Variants in CAMKMT observed in about 807,000 individuals in gnomAD.
CAMKMT encodes calmodulin-lysine N-methyltransferase.
In CAMKMT, 53 loss-of-function variants were observed where a neutral mutation model predicts 48.0. The ratio of observed to expected loss-of-function variants is 1.10; its 90% CI spans 0.89 to 1.39. CAMKMT has a LOEUF of 1.39. Ranked by LOEUF, CAMKMT falls within the 40% of genes most tolerant of loss-of-function variation. The pLI, the probability that CAMKMT is intolerant of heterozygous loss-of-function variation, is 0.00. For synonymous variants in CAMKMT, 165 were observed against 152.3 expected (o/e 1.08, Z -0.61); for missense variants, 428 against 402.7 (o/e 1.06, Z -0.54).
At chr2:44,651,041 A>G (rs866851789) in intron 3 of CAMKMT, among the ~76,000 whole-genome samples, 16 of 152,348 alleles carry the variant, frequency 1.1e-4, no homozygotes, top group Middle Eastern at 3.4e-3. Context: ...TTAAAAGTGC[A>G]GTTTAAAGTG....
At chr2:44,626,012 A>G (rs1483949695) in intron 3 of CAMKMT, among the ~76,000 whole-genome samples, 1 of 152,188 alleles carries the variant, frequency 6.6e-6, no homozygotes, top group East Asian at 1.9e-4. Context: ...TTTCATATAA[A>G]TGTTAGAATC....
At chr2:44,399,665 C>T (rs1361947199) in intron 3 of CAMKMT, among the ~76,000 whole-genome samples, 1 of 151,526 alleles carries the variant, frequency 6.6e-6, no homozygotes, top group Non-Finnish European at 1.5e-5. Flanking sequence ...CTCTTGTATC[C>T]ATCATAAGAA....
chr2:44,477,833 T>TA (rs774867408), intron 3 of CAMKMT, among the ~76,000 whole-genome samples: 4 of 152,168 alleles, frequency 2.6e-5, no homozygotes, highest in Non-Finnish European at 4.4e-5. Flanking sequence ...TTCACAATGG[T>TA]ACAGGTATAG....
chr2:44,730,874 C>A (rs1027216359), intron 7 of CAMKMT, among the ~76,000 whole-genome samples: 1 of 152,186 alleles, frequency 6.6e-6, no homozygotes, highest in Non-Finnish European at 1.5e-5. Context: ...ATACTGGAAT[C>A]CTCTGTAAAG....
intron 3 of CAMKMT, among the ~76,000 whole-genome samples, chr2:44,603,283 G>T (rs570871389): frequency 6.6e-6 from 1 of 151,550 alleles, no homozygotes; most frequent in Admixed American, 6.6e-5. Context: ...TAGAGACAGG[G>T]TTTCACCATG....
Position 44,407,699 on chromosome 2 carries a change from A to G in CAMKMT, c.376+17394A>G, listed in dbSNP as rs566507391. On this transcript the variant is annotated intron_variant, in intron 3 of 10. Transcript: ENST00000378494. ...AGAAGATATGGGTTGAGCCATGGCT[A>G]AAAGGATTAGGACTTAGATGGGCAG... Among the ~76,000 whole-genome samples the G allele has an allele frequency of 1.3e-4, 20 of 152,332 alleles. No homozygotes were observed. In the East Asian group the frequency reaches 3.9e-3, roughly 29 times the overall value.
At chr2:44,483,029 T>C (rs113988539) in intron 3 of CAMKMT, among the ~76,000 whole-genome samples, 1 of 152,070 alleles carries the variant, frequency 6.6e-6, no homozygotes, top group Non-Finnish European at 1.5e-5. Context: ...TGCTGTCCAA[T>C]GGAATCAACA....
chr2:44,768,361 A>ATATATATATATATATTTTTTT (rs35058824), intron 10 of CAMKMT, among the ~76,000 whole-genome samples: 1 of 115,726 alleles, frequency 8.6e-6, no homozygotes, highest in African/African-American at 3.7e-5. Context: ...ATATATATAT[A>ATATATATATATATATTTTTTT]TTTTTTTTTT....
chr2:44,746,847 A>ATTG (rs1679938579), intron 8 of CAMKMT, among the ~76,000 whole-genome samples: 1 of 152,170 alleles, frequency 6.6e-6, no homozygotes, highest in Non-Finnish European at 1.5e-5. Flanking sequence ...ATAGTGAGTG[A>ATTG]TTGTTAATTT....
intron 3 of CAMKMT, chr2:44,549,524 G>A: frequency 2.9e-6 from 2 of 693,584 alleles, no homozygotes; most frequent in Non-Finnish European, 5.2e-6. Flanking sequence ...AACCTAAAAT[G>A]TATATATAAT....
At chr2:44,398,139 T>A (rs942731352) in intron 3 of CAMKMT, among the ~76,000 whole-genome samples, 6 of 152,218 alleles carry the variant, frequency 3.9e-5, no homozygotes, top group Admixed American at 3.9e-4. Context: ...CGTTTAATAA[T>A]CTTAACGTCT....
At chr2:44,408,755 T>G (rs974740756) in intron 3 of CAMKMT, among the ~76,000 whole-genome samples, 1 of 151,850 alleles carries the variant, frequency 6.6e-6, no homozygotes, top group African/African-American at 2.4e-5. Flanking sequence ...TTAATTAATT[T>G]TTTTGAGACA....
At chr2:44,724,993 T>A (rs1214906628) in intron 7 of CAMKMT, among the ~76,000 whole-genome samples, 1 of 152,172 alleles carries the variant, frequency 6.6e-6, no homozygotes, top group East Asian at 1.9e-4. Flanking sequence ...GTAAATATTC[T>A]GCAATGCAAG....
intron 2 of CAMKMT, among the ~76,000 whole-genome samples, chr2:44,373,876 C>T (rs1243749017): frequency 6.6e-6 from 1 of 151,978 alleles, no homozygotes. Context: ...GTAATCCTAG[C>T]ACTTCAGGAG....
chr2:44,469,690 T>G (rs1012071078), intron 3 of CAMKMT, among the ~76,000 whole-genome samples: 1 of 152,172 alleles, frequency 6.6e-6, no homozygotes, highest in Non-Finnish European at 1.5e-5. Context: ...TTTTTAGTAT[T>G]CAGTGGTATT....
chr2:44,590,749 T>G (rs112448490), intron 3 of CAMKMT, among the ~76,000 whole-genome samples: 3,562 of 152,174 alleles, frequency 0.023, 117 homozygotes, highest in African/African-American at 0.076. Context: ...CAGAAGCTCT[T>G]TAGTTTAATG....
rs150820589 is a variant in CAMKMT at position 44,584,907 on chromosome 2, T to C, written c.377-119376T>C. On this transcript the variant is annotated intron_variant, in intron 3 of 10. Transcript: ENST00000378494. ...GTCTCTACTAAAAATACAAAAAAATTATCCGGGCGTGGTGGTGGGCGCCTG... is the reference window on the plus strand; with the variant it reads ...GTCTCTACTAAAAATACAAAAAAATCATCCGGGCGTGGTGGTGGGCGCCTG... 6.1e-3 allele frequency among the ~76,000 whole-genome samples: 930 copies of C among 151,778 alleles called. 11 individuals carry two copies. The highest frequency in any genetic ancestry group is 0.021 in the African/African-American group (881 of 41,386).
intron 3 of CAMKMT, among the ~76,000 whole-genome samples, chr2:44,637,102 T>G (rs1409261799): frequency 6.6e-6 from 1 of 152,210 alleles, no homozygotes; most frequent in African/African-American, 2.4e-5. Flanking sequence ...GGGTGTTCGC[T>G]AAAACCAAAA....
At chr2:44,366,795 C>G (rs1175297615) in intron 1 of CAMKMT, among the ~76,000 whole-genome samples, 1 of 150,898 alleles carries the variant, frequency 6.6e-6, no homozygotes, top group Middle Eastern at 3.2e-3. Flanking sequence ...GATCTCGGCT[C>G]ACTGCAACCT....
Sources: allele counts gnomAD v4.1 joint callset (sites outside exome capture counted in the v4.1 genomes callset), GRCh38; gene constraint gnomAD v4.1.1; transcripts MANE v1.5; gene names NCBI Gene and HGNC (gene_info 2026-07-23, HGNC 2026-07-21).